Variants in GSE1 observed in about 807,000 individuals in gnomAD.
GSE1 encodes genetic suppressor element 1.
GSE1 carries 32 observed loss-of-function variants against 112.6 expected under a neutral mutation model. That is an observed-to-expected ratio of 0.28 (90% CI 0.21 to 0.38). The LOEUF is 0.38. Ranked by LOEUF, GSE1 falls within the 10% of genes least tolerant of loss-of-function variation. The probability of loss-of-function intolerance (pLI) is 1.00; values close to 1 mark genes in which losing one functional copy is unlikely to be tolerated. For missense variants in GSE1, 2,348 were observed against 1,699.2 expected (o/e 1.38, Z -6.71); for synonymous variants, 1,115 against 735.6 (o/e 1.52, Z -8.35).
At chr16:85,578,304 A>G (rs2046314012) in intron 1 of GSE1, among the ~76,000 whole-genome samples, 2 of 152,212 alleles carry the variant, frequency 1.3e-5, no homozygotes, top group African/African-American at 4.8e-5. Context: ...CCTGAATGCC[A>G]TGGATAACGG....
rs151080345 is a variant in GSE1 at position 85,242,326 on chromosome 16, G to A, written c.2283+70519G>A. Among the ~76,000 whole-genome samples, 1,150 of 152,242 alleles carry A rather than the reference G, an allele frequency of 7.6e-3. 17 individuals are homozygous for A. Among genetic ancestry groups the A allele is most frequent in the African/African-American group, 0.026 (1,066 of 41,528 alleles). On this transcript the variant is annotated intron_variant, in intron 1 of 2. Transcript: ENST00000637419. ...GCAGCCCTCGGGGTCTGTCCCTGCTGGCCAGGGCCTGCAAACAGGTGATGT... is the reference window on the plus strand; with the variant it reads ...GCAGCCCTCGGGGTCTGTCCCTGCTAGCCAGGGCCTGCAAACAGGTGATGT...
upstream of GSE1, chr16:85,613,083 T>G: frequency 4.6e-6 from 3 of 649,110 alleles, no homozygotes; most frequent in Non-Finnish European, 6.7e-6. Flanking sequence ...GGCGGGTGGA[T>G]CCGGGCGCCC....
At chr16:85,261,909 G>T (rs1024633528) in intron 1 of GSE1, among the ~76,000 whole-genome samples, 1 of 152,158 alleles carries the variant, frequency 6.6e-6, no homozygotes, top group Admixed American at 6.5e-5. Context: ...CTAAACCCTC[G>T]TGTGTATCCT....
intron 2 of GSE1, among the ~76,000 whole-genome samples, chr16:85,513,153 C>G (rs1410717327): frequency 6.6e-6 from 1 of 152,154 alleles, no homozygotes; most frequent in Non-Finnish European, 1.5e-5. Context: ...GACCCCCCAG[C>G]CACACCTGAC....
intron 1 of GSE1, among the ~76,000 whole-genome samples, chr16:85,247,970 A>T (rs1454591104): frequency 6.6e-6 from 1 of 152,228 alleles, no homozygotes; most frequent in Non-Finnish European, 1.5e-5. Context: ...CCTCGGGGAC[A>T]AATTGCCCAG....
In GSE1 at chr16:85,661,438, C is replaced by A; in HGVS notation, c.1933C>A (p.Pro645Thr). The A allele has an allele frequency of 6.2e-7, 1 of 1,612,050 alleles. No individual in the cohort carries two copies. Among genetic ancestry groups the A allele is most frequent in the Non-Finnish European group, 8.5e-7 (1 of 1,179,582 alleles). Residue 645 changes from proline to threonine, a missense_variant, in exon 9 of 16, where the codon CCT becomes ACT. Coordinates refer to ENST00000253458, the MANE Select transcript of GSE1 (RefSeq NM_014615.5). ...EEGPRKREPA[P>T]LDKYQPPPPP... Reference sequence around the variant, plus strand: ...GGGGCCACGGAAGCGTGAGCCTGCCCCTCTGGACAAGTACCAGCCACCTCC... The same window carrying A: ...GGGGCCACGGAAGCGTGAGCCTGCCACTCTGGACAAGTACCAGCCACCTCC...
chr16:85,666,090 A>C lies in GSE1; in HGVS notation c.2873A>C (p.Gln958Pro), dbSNP rs771714257. 1 of 1,613,246 alleles carries C rather than the reference A, an allele frequency of 6.2e-7. No homozygotes were observed. Among genetic ancestry groups the C allele is most frequent in the South Asian group, 1.1e-5 (1 of 91,072 alleles). Reference sequence around the variant, plus strand: ...GGGAAGCTGGAACAGGTCCGGCCCCAGGAGCTGTCGAGAGTCCAGGAGCTA... The same window carrying C: ...GGGAAGCTGGAACAGGTCCGGCCCCCGGAGCTGTCGAGAGTCCAGGAGCTA... ...EPGKLEQVRP[Q>P]ELSRVQELAP... Residue 958 changes from glutamine to proline, a missense_variant, in exon 13 of 16, where the codon CAG becomes CCG. Coordinates refer to ENST00000253458, the MANE Select transcript of GSE1 (RefSeq NM_014615.5).
Position 85,673,466 on chromosome 16 carries a change from G to GT in GSE1, c.*935dup, listed in dbSNP as rs1365327667. 3.1e-3 allele frequency: 388 copies of GT among 126,512 alleles called. 1 individual carries two copies. The highest frequency in any genetic ancestry group is 4.2e-3 in the Non-Finnish European group (248 of 58,634). 7.8% of individuals were successfully genotyped at this position (126,512 alleles called of 1,614,324 possible). ...TTTGGGGGTTTTGTTTGTTGTTTTG[G>GT]TTTTTTTTGGGCAAAAAAAAAAAAA... On this transcript the variant is annotated 3_prime_UTR_variant, in exon 16 of 16. Coordinates refer to ENST00000253458, the MANE Select transcript of GSE1 (RefSeq NM_014615.5).
intron 2 of GSE1, among the ~76,000 whole-genome samples, chr16:85,480,346 T>C (rs978137033): frequency 6.6e-6 from 1 of 152,158 alleles, no homozygotes; most frequent in African/African-American, 2.4e-5. Context: ...CGACGTCTTC[T>C]GCATCTCGCT....
In GSE1 at chr16:85,347,181, G is replaced by T. The variant is rs139296992; in HGVS notation, c.2284-10282G>T. ...ACCCTTGGAGGCAGGAGATGAGCAG[G>T]TATGGGGCAGGCTGGGGGTTGGGGA... On this transcript the variant is annotated intron_variant, in intron 1 of 2. Transcript: ENST00000637419. Among the ~76,000 whole-genome samples the T allele has an allele frequency of 2.6e-5, 4 of 152,182 alleles. No individual in the cohort carries two copies. The East Asian group carries it at 7.7e-4, about 29-fold the overall frequency.
chr16:85,651,400 G>T (rs1212150394), intron 3 of GSE1, among the ~76,000 whole-genome samples: 1 of 152,048 alleles, frequency 6.6e-6, no homozygotes, highest in Non-Finnish European at 1.5e-5. Flanking sequence ...CCGCCTGCTG[G>T]CTGCCCCCCA....
chr16:85,330,915 G>C (rs149041487), intron 1 of GSE1, among the ~76,000 whole-genome samples: 1 of 152,064 alleles, frequency 6.6e-6, no homozygotes, highest in Non-Finnish European at 1.5e-5. Context: ...CTCTTGTCTT[G>C]CTGCTTAAGA....
At chr16:85,210,023 T>A (rs1408092814) in intron 1 of GSE1, among the ~76,000 whole-genome samples, 1 of 152,250 alleles carries the variant, frequency 6.6e-6, no homozygotes, top group Non-Finnish European at 1.5e-5. Context: ...ACTATTAGCA[T>A]AATAGTCCCA....
intron 1 of GSE1, among the ~76,000 whole-genome samples, chr16:85,287,235 C>T (rs2045059192): frequency 6.6e-6 from 1 of 152,222 alleles, no homozygotes; most frequent in Non-Finnish European, 1.5e-5. Flanking sequence ...ACGTGCACCA[C>T]TTGGTGGGGC....
At chr16:85,484,000 C>T (rs1212502819) in intron 2 of GSE1, among the ~76,000 whole-genome samples, 2 of 152,286 alleles carry the variant, frequency 1.3e-5, no homozygotes, top group East Asian at 1.9e-4. Context: ...CCGAGAGGTG[C>T]GTCCCTGTTT....
chr16:85,533,012 T>A (rs1235508714), intron 2 of GSE1, among the ~76,000 whole-genome samples: 1 of 152,184 alleles, frequency 6.6e-6, no homozygotes, highest in East Asian at 1.9e-4. Context: ...GCCGGAGGTG[T>A]CGGCCGCTGC....
chr16:85,476,087 C>T (rs576017657), intron 2 of GSE1, among the ~76,000 whole-genome samples: 2 of 152,278 alleles, frequency 1.3e-5, no homozygotes, highest in Non-Finnish European at 2.9e-5. Flanking sequence ...CGTGCCACCA[C>T]GCCCAGCTAA....
At chr16:85,489,029 G>T (rs1190976174) in intron 2 of GSE1, among the ~76,000 whole-genome samples, 1 of 152,124 alleles carries the variant, frequency 6.6e-6, no homozygotes, top group Non-Finnish European at 1.5e-5. Flanking sequence ...CAGGAGAAGC[G>T]GGTCCAGAGC....
At chr16:85,613,099 T>TGC (rs151022476), upstream of GSE1, 507 of 795,484 alleles carry the variant, frequency 6.4e-4, 3 homozygotes, top group Admixed American at 0.013. Flanking sequence ...CGCCCGTCGG[T>TGC]GCGCGCGCGC....
Sources: allele counts gnomAD v4.1 joint callset (sites outside exome capture counted in the v4.1 genomes callset), GRCh38; gene constraint gnomAD v4.1.1; transcripts MANE v1.5; gene names NCBI Gene and HGNC (gene_info 2026-07-23, HGNC 2026-07-21).